The following CCDC7 variants were observed in gnomAD, a reference collection of about 807,000 sequenced individuals.
The protein encoded by CCDC7 is coiled-coil domain containing 7, also known as coiled-coil domain-containing protein 7.
CCDC7 carries 183 observed loss-of-function variants against 196.9 expected under a neutral mutation model. That is an observed-to-expected ratio of 0.93 (90% CI 0.82 to 1.05). CCDC7 has a LOEUF of 1.05. CCDC7 is among the 50% of genes least tolerant of loss of function. The pLI, the probability that CCDC7 is intolerant of heterozygous loss-of-function variation, is 0.00. For synonymous variants in CCDC7, 525 were observed against 484.6 expected (o/e 1.08, Z -1.10); for missense variants, 1,540 against 1,482.2 (o/e 1.04, Z -0.64).
intron 21 of CCDC7, among the ~76,000 whole-genome samples, chr10:32,669,452 G>T (rs1404198532): frequency 6.6e-6 from 1 of 152,076 alleles, no homozygotes; most frequent in Non-Finnish European, 1.5e-5. Flanking sequence ...CATTTGAGGG[G>T]CATTAGCATT....
rs537078405 is a variant in CCDC7, at chr10:32,676,730, G to T, written c.2123-9240G>T. On this transcript the variant is annotated intron_variant, in intron 21 of 41. Coordinates refer to ENST00000639629, the Ensembl canonical transcript of CCDC7. ...AAAAGTCAGGAAACAACAGGTGCTG[G>T]AGAGGATGTGGAGAAATAGGAACAC... Among the ~76,000 whole-genome samples, 24 of 152,184 alleles carry T rather than the reference G, an allele frequency of 1.6e-4. 1 individual carries two copies. In the South Asian group the frequency reaches 5.0e-3, roughly 32 times the overall value.
At chr10:32,445,102 C>T (rs1410874212), upstream of CCDC7, among the ~76,000 whole-genome samples, 1 of 152,196 alleles carries the variant, frequency 6.6e-6, no homozygotes, top group East Asian at 1.9e-4. Flanking sequence ...GATGCACTGC[C>T]TCAGGCTCCC....
rs2091652778 is a variant in CCDC7, at chr10:32,828,492, GAAGAAGAAGAAGAAGAAGAAGAA to G, written c.3268+3889_3268+3911del. Among the ~76,000 whole-genome samples the G allele has an allele frequency of 5.0e-4, 45 of 90,004 alleles. 1 individual carries two copies. Among genetic ancestry groups the G allele is most frequent in the African/African-American group, 2.0e-3 (45 of 23,044 alleles). The allele number at this position is 90,004 out of a possible 152,430, so 59.0% of individuals were successfully genotyped here. ...GGAAGAGGAAGAGGAAGAGGAAGAA[GAAGAAGAAGAAGAAGAAGAAGAA>G]GAAGAAGAAGAAGAAGAAGAAGAAG... On this transcript the variant is annotated intron_variant, in intron 32 of 41. Coordinates refer to ENST00000639629, the Ensembl canonical transcript of CCDC7.
At chr10:32,558,532 T>C (rs2136519895) in intron 13 of CCDC7, among the ~76,000 whole-genome samples, 1 of 152,278 alleles carries the variant, frequency 6.6e-6, no homozygotes, top group East Asian at 1.9e-4. Flanking sequence ...CTGAACTCTG[T>C]CCTCTGGTGG....
At chr10:32,836,862 G>T (rs1593296586) in intron 33 of CCDC7, among the ~76,000 whole-genome samples, 1 of 152,056 alleles carries the variant, frequency 6.6e-6, no homozygotes, top group East Asian at 1.9e-4. Context: ...GGGAAAACTG[G>T]CTAGCCATAT....
At chr10:32,729,761 ATTC>A in intron 28 of CCDC7, among the ~76,000 whole-genome samples, 1 of 152,118 alleles carries the variant, frequency 6.6e-6, no homozygotes, top group African/African-American at 2.4e-5. Context: ...AAAACTTTAT[ATTC>A]TTCAAAAAAC....
chr10:32,502,293 T>G (rs2044191841), intron 9 of CCDC7, among the ~76,000 whole-genome samples: 1 of 152,152 alleles, frequency 6.6e-6, no homozygotes, highest in Non-Finnish European at 1.5e-5. Context: ...CTCTCATGGC[T>G]TCCCTTGGCT....
intron 41 of CCDC7, among the ~76,000 whole-genome samples, chr10:32,867,728 GTTTATT>G (rs2094255761): frequency 6.6e-6 from 1 of 151,456 alleles, no homozygotes; most frequent in Admixed American, 6.6e-5. Context: ...TGTTTATATT[GTTTATT>G]TTTAAAATTA....
intron 32 of CCDC7, among the ~76,000 whole-genome samples, chr10:32,829,667 G>A (rs113427292): frequency 0.018 from 2,666 of 152,192 alleles, 87 homozygotes; most frequent in African/African-American, 0.061. Context: ...ATGATCTCAG[G>A]AGATGTGTAC....
chr10:32,867,847 C>T (rs1331422289), intron 41 of CCDC7, among the ~76,000 whole-genome samples: 1 of 151,852 alleles, frequency 6.6e-6, no homozygotes, highest in Non-Finnish European at 1.5e-5. Context: ...TGCTATGCAA[C>T]TATCACTACC....
At chr10:32,670,216 A>G (rs1011126645) in intron 21 of CCDC7, among the ~76,000 whole-genome samples, 7 of 152,094 alleles carry the variant, frequency 4.6e-5, no homozygotes, top group African/African-American at 1.7e-4. Context: ...ATGTTTTAAT[A>G]GTCCTTGTCT....
rs187540031 is a variant in CCDC7 at position 32,622,061 on chromosome 10, T to G, written c.1802-12193T>G. On this transcript the variant is annotated intron_variant, in intron 18 of 41. Transcript: ENST00000639629. ...TTCAAGTGTTCACTCAATTTATCTG[T>G]GTTTTATCTCTCACCTTTCTCTACG... Among the ~76,000 whole-genome samples, 63 of 152,348 alleles carry G rather than the reference T, an allele frequency of 4.1e-4. 1 individual carries two copies. In the South Asian group the frequency reaches 6.8e-3, roughly 17 times the overall value.
intron 11 of CCDC7, among the ~76,000 whole-genome samples, chr10:32,536,583 G>A (rs1589639404): frequency 6.6e-6 from 1 of 152,164 alleles, no homozygotes; most frequent in Admixed American, 6.5e-5. Context: ...TGTCATGGGT[G>A]TTTGGTGTAC....
chr10:32,721,072 G>T (rs11009054), intron 25 of CCDC7, among the ~76,000 whole-genome samples: 6,261 of 151,880 alleles, frequency 0.041, 195 homozygotes, highest in Non-Finnish European at 0.06. Flanking sequence ...CATTCTGGGG[G>T]ACAAAGTGAA....
chr10:32,876,216 T>A (rs549146167), intron 41 of CCDC7, 131 bp from the exon 43 acceptor site: 25 of 640,552 alleles, frequency 3.9e-5, no homozygotes, highest in African/African-American at 3.5e-4. Context: ...TAGATTTATA[T>A]ACTATTTTCC....
chr10:32,819,761 C>A (rs1448357354), intron 31 of CCDC7, among the ~76,000 whole-genome samples: 1 of 152,152 alleles, frequency 6.6e-6, no homozygotes, highest in Non-Finnish European at 1.5e-5. Flanking sequence ...TGACAAAATT[C>A]AACAACCTTC....
intron 11 of CCDC7, among the ~76,000 whole-genome samples, chr10:32,528,774 A>T (rs1337192864): frequency 1.6e-5 from 2 of 121,554 alleles, no homozygotes; most frequent in Admixed American, 1.6e-4. Flanking sequence ...ACATATACAC[A>T]CACATTATTC....
intron 18 of CCDC7, among the ~76,000 whole-genome samples, chr10:32,631,622 G>A (rs190273342): frequency 2.0e-5 from 3 of 151,400 alleles, no homozygotes; most frequent in African/African-American, 7.3e-5. Flanking sequence ...TGGTGGTTCT[G>A]GATGCCTTAA....
chr10:32,796,084 G>C (rs994491176), intron 29 of CCDC7, among the ~76,000 whole-genome samples: 1 of 152,032 alleles, frequency 6.6e-6, no homozygotes, highest in African/African-American at 2.4e-5. Flanking sequence ...TGTCTCCTCT[G>C]TCCTCAGGGA....
Sources: allele counts gnomAD v4.1 joint callset (sites outside exome capture counted in the v4.1 genomes callset), GRCh38; gene constraint gnomAD v4.1.1; transcripts MANE v1.5; gene names NCBI Gene and HGNC (gene_info 2026-07-23, HGNC 2026-07-21).